The following CDC23 variants were observed in gnomAD, a reference collection of about 807,000 sequenced individuals.
CDC23 encodes the protein cell division cycle protein 23 homolog.
In CDC23, 26 loss-of-function variants were observed where a neutral mutation model predicts 81.7. The ratio of observed to expected loss-of-function variants is 0.32; its 90% CI spans 0.23 to 0.44. The LOEUF is 0.44. CDC23 is among the 20% of genes least tolerant of loss of function. CDC23 has a pLI of 1.00. For synonymous variants in CDC23, 267 were observed against 270.8 expected (o/e 0.99, Z 0.14); for missense variants, 519 against 728.0 (o/e 0.71, Z 3.30).
intron 2 of CDC23, among the ~76,000 whole-genome samples, chr5:138,208,886 TC>T (rs984029952): frequency 2.8e-4 from 42 of 152,234 alleles, no homozygotes; most frequent in African/African-American, 1.0e-3. Context: ...CCTCCTGGGC[TC>T]AAGTGATCCT....
intron 6 of CDC23, 115 bp from the exon 7 acceptor site, chr5:138,198,897 C>T (rs1205106016): frequency 2.9e-6 from 3 of 1,034,686 alleles, no homozygotes; most frequent in Non-Finnish European, 2.8e-6. Flanking sequence ...TTTATTAGAA[C>T]ACCTAGTAAT....
intron 2 of CDC23, among the ~76,000 whole-genome samples, chr5:138,211,655 C>T (rs991115093): frequency 2.5e-4 from 37 of 148,896 alleles, no homozygotes; most frequent in African/African-American, 8.1e-4. Context: ...AGCAAGACTC[C>T]GTCTCAAAAA....
intron 9 of CDC23, among the ~76,000 whole-genome samples, chr5:138,195,380 G>A (rs1244150390): frequency 6.7e-6 from 1 of 149,546 alleles, no homozygotes; most frequent in Non-Finnish European, 1.5e-5. Context: ...AGCACAGAAG[G>A]TTAGGTAACT....
At position 138,189,062 on chromosome 5, in the gene CDC23, G is replaced by A. The variant is rs751826511; in HGVS notation, c.1710C>T (p.Pro570=). The A allele has an allele frequency of 2.5e-6, 4 of 1,614,026 alleles. No individual in the cohort carries two copies. Among genetic ancestry groups the A allele is most frequent in the African/African-American group, 2.7e-5 (2 of 74,922 alleles). ...GETPTTEVPA[P]FFLPASLSAN... ...CAGAGAGTGAAGCAGGTAGGAAAAA[G>A]GGAGCAGGCACCTCGGTGGTAGGAG... Residue 570 remains proline, a synonymous_variant, in exon 16 of 16, where the codon CCC becomes CCT. Coordinates refer to ENST00000394886, the MANE Select transcript of CDC23 (RefSeq NM_004661.4).
intron 13 of CDC23, 129 bp downstream of exon 13, chr5:138,191,345 T>C: frequency 1.2e-6 from 1 of 838,938 alleles, no homozygotes; most frequent in Non-Finnish European, 2.1e-6. Context: ...AAACCAGCAT[T>C]CACACACCCT....
intron 9 of CDC23, among the ~76,000 whole-genome samples, chr5:138,196,901 T>C (rs1444531016): frequency 2.1e-5 from 3 of 145,662 alleles, no homozygotes; most frequent in Non-Finnish European, 4.5e-5. Flanking sequence ...TTTTTTTTTT[T>C]TTTTTTTTTT....
chr5:138,192,211 GAA>G, intron 11 of CDC23, 56 bp downstream of exon 11: 1 of 1,597,810 alleles, frequency 6.3e-7, no homozygotes, highest in East Asian at 2.2e-5. Context: ...ATCAAAAGAG[GAA>G]AAAAAAGTTA....
chr5:138,196,865 C>T (rs1274356191), intron 9 of CDC23, among the ~76,000 whole-genome samples: 1 of 150,688 alleles, frequency 6.6e-6, no homozygotes, highest in African/African-American at 2.5e-5. Context: ...CAGGTGTGAG[C>T]CACCGCGCCT....
chr5:138,203,607 C>T (rs1474863090), intron 3 of CDC23, among the ~76,000 whole-genome samples: 1 of 152,056 alleles, frequency 6.6e-6, no homozygotes, highest in Non-Finnish European at 1.5e-5. Context: ...ACACTGCTGG[C>T]TCAATTGACA....
At chr5:138,199,800 A>T (rs1005028489) in intron 6 of CDC23, among the ~76,000 whole-genome samples, 2 of 152,108 alleles carry the variant, frequency 1.3e-5, no homozygotes, top group African/African-American at 4.8e-5. Flanking sequence ...AGATTGTTTA[A>T]CAAACCTTCA....
chr5:138,208,257 C>T (rs1266340906), intron 2 of CDC23, among the ~76,000 whole-genome samples: 1 of 152,144 alleles, frequency 6.6e-6, no homozygotes, highest in African/African-American at 2.4e-5. Flanking sequence ...CGGCCCAATC[C>T]TCCAAATTCT....
chr5:138,195,261 G>A (rs1335450035), intron 9 of CDC23, among the ~76,000 whole-genome samples: 1 of 151,004 alleles, frequency 6.6e-6, no homozygotes, highest in African/African-American at 2.4e-5. Context: ...ACTTAAAGGG[G>A]GAAAGGTACA....
intron 6 of CDC23, among the ~76,000 whole-genome samples, chr5:138,198,998 G>A (rs1212997811): frequency 6.6e-6 from 1 of 152,178 alleles, no homozygotes; most frequent in Non-Finnish European, 1.5e-5. Context: ...GAAAAGACAG[G>A]ATTTGAGGTG....
intron 3 of CDC23, chr5:138,205,791 A>G (rs1755042055): frequency 6.6e-6 from 1 of 152,180 alleles, no homozygotes; most frequent in East Asian, 1.9e-4. Context: ...ATAGTTGATC[A>G]ACCTAAATCA....
intron 13 of CDC23, 38 bp from the exon 14 acceptor site, chr5:138,189,944 C>T (rs1754807607): frequency 6.4e-7 from 1 of 1,572,064 alleles, no homozygotes; most frequent in South Asian, 1.1e-5. Flanking sequence ...CAATGATATC[C>T]CAAAGCAACT....
At chr5:138,212,849 C>T (rs1241079411) in intron 2 of CDC23, 142 bp downstream of exon 2, 1 of 648,306 alleles carries the variant, frequency 1.5e-6, no homozygotes, top group African/African-American at 1.8e-5. Flanking sequence ...TCATTTAAAA[C>T]ACTCAGCTCT....
At chr5:138,195,612 T>TA (rs1213341282) in intron 9 of CDC23, among the ~76,000 whole-genome samples, 1 of 113,854 alleles carries the variant, frequency 8.8e-6, no homozygotes, top group East Asian at 3.8e-4. Context: ...ATATGATATA[T>TA]TTATATATAA....
chr5:138,196,089 T>C (rs1007403797), intron 9 of CDC23, among the ~76,000 whole-genome samples: 1 of 151,578 alleles, frequency 6.6e-6, no homozygotes, highest in Non-Finnish European at 1.5e-5. Flanking sequence ...GTATTATTTT[T>C]TGTCATATCT....
At chr5:138,195,739 ATATATATGTATATATATACATATAT>A (rs1754891620) in intron 9 of CDC23, among the ~76,000 whole-genome samples, 3 of 55,708 alleles carry the variant, frequency 5.4e-5, no homozygotes, top group Non-Finnish European at 7.7e-5. Flanking sequence ...TATACATATA[ATATATATGTATATATATACATATAT>A]TATATATGTG....
Sources: gnomAD v4.1 joint callset for allele counts (sites outside exome capture counted in the v4.1 genomes callset) on GRCh38, gnomAD v4.1.1 for gene constraint, MANE v1.5 for transcripts, NCBI Gene and HGNC (gene_info 2026-07-23, HGNC 2026-07-21) for gene names.